MCC: variants seen among roughly 807,000 people sequenced by gnomAD.
MCC encodes the protein colorectal mutant cancer protein.
Under a neutral mutation model 116.2 loss-of-function variants are expected in MCC, and 90 were observed. The observed-to-expected ratio is 0.77, with a 90% CI of 0.65 to 0.92. The LOEUF is 0.92. Among genes scored for constraint, MCC ranks in the 40% least tolerant of loss-of-function variants. MCC has a pLI of 0.00. For synonymous variants in MCC, 578 were observed against 510.5 expected (o/e 1.13, Z -1.78); for missense variants, 1,516 against 1,312.2 (o/e 1.16, Z -2.40).
chr5:113,451,972 G>C (rs1437686117), intron 1 of MCC, among the ~76,000 whole-genome samples: 1 of 152,170 alleles, frequency 6.6e-6, no homozygotes, highest in Admixed American at 6.5e-5. Context: ...TGATCAAGAT[G>C]GCTTCACCCC....
At chr5:113,189,346 G>C (rs536116731) in intron 3 of MCC, among the ~76,000 whole-genome samples, 1 of 152,356 alleles carries the variant, frequency 6.6e-6, no homozygotes, top group South Asian at 2.1e-4. Context: ...AAGCACCTTT[G>C]AAGTGTTAGC....
intron 1 of MCC, among the ~76,000 whole-genome samples, chr5:113,405,186 A>C (rs1769795111): frequency 6.6e-6 from 1 of 152,232 alleles, no homozygotes; most frequent in Non-Finnish European, 1.5e-5. Context: ...GCCAAGAAGA[A>C]AACCAAATGC....
chr5:113,413,003 G>C (rs1770036023), intron 1 of MCC, among the ~76,000 whole-genome samples: 1 of 152,126 alleles, frequency 6.6e-6, no homozygotes, highest in Non-Finnish European at 1.5e-5. Flanking sequence ...TTTGTCAAAG[G>C]CCTTTTCTGC....
intron 7 of MCC, 94 bp from the exon 8 acceptor site, chr5:113,102,039 A>G (rs1255924474): frequency 5.6e-6 from 7 of 1,248,412 alleles, no homozygotes; most frequent in Admixed American, 1.8e-5. Flanking sequence ...ATGTCCATAG[A>G]GGAGTGTGTT....
At position 113,029,676 on chromosome 5, in the gene MCC, C is replaced by T. The variant is rs916583079; in HGVS notation, c.2757-620G>A. Among the ~76,000 whole-genome samples the T allele has an allele frequency of 3.3e-5, 5 of 152,214 alleles. No individual in the cohort carries two copies. In the East Asian group the frequency reaches 5.8e-4, roughly 18 times the overall value. ...TGTGGATCCTCTACTACTTTGGTAA[C>T]CCAAGCTAATTAGAGTCAGTTCAGG... On this transcript the variant is annotated intron_variant, in intron 17 of 18. Transcript: ENST00000408903.
chr5:113,482,389 G>T (rs1269439826), intron 1 of MCC, among the ~76,000 whole-genome samples: 1 of 152,020 alleles, frequency 6.6e-6, no homozygotes, highest in South Asian at 2.1e-4. Context: ...AATATAGAAG[G>T]GTTCTGATTT....
chr5:113,095,126 GT>G (rs1755928027), intron 8 of MCC, among the ~76,000 whole-genome samples: 1 of 152,174 alleles, frequency 6.6e-6, no homozygotes, highest in Non-Finnish European at 1.5e-5. Context: ...AGGAGAGTGG[GT>G]CTGTGAAACC....
intron 8 of MCC, among the ~76,000 whole-genome samples, chr5:113,091,104 T>C (rs1042787949): frequency 1.3e-5 from 2 of 152,204 alleles, no homozygotes; most frequent in African/African-American, 4.8e-5. Context: ...CTGAAAGTGC[T>C]GTCCACAGAA....
At chr5:113,340,446 C>T in intron 3 of MCC, 73 bp downstream of exon 3, 1 of 1,264,896 alleles carries the variant, frequency 7.9e-7, no homozygotes. Context: ...TCCCCTGGAG[C>T]ACAAAATTAA....
At chr5:113,202,988 G>C (rs1018698130) in intron 3 of MCC, among the ~76,000 whole-genome samples, 1 of 152,094 alleles carries the variant, frequency 6.6e-6, no homozygotes. Context: ...TACCAGTAAA[G>C]CGCATACAAT....
chr5:113,085,667 G>T (rs553372528), intron 8 of MCC, among the ~76,000 whole-genome samples: 2 of 152,116 alleles, frequency 1.3e-5, no homozygotes, highest in Non-Finnish European at 2.9e-5. Flanking sequence ...GGCCCTGGAA[G>T]CTTCCAGGAT....
At chr5:113,243,150 C>A (rs547346406) in intron 3 of MCC, among the ~76,000 whole-genome samples, 270 of 151,456 alleles carry the variant, frequency 1.8e-3, no homozygotes, top group Non-Finnish European at 3.4e-3. Context: ...ATGGCTGTTA[C>A]CAAGCATGTG....
intron 3 of MCC, among the ~76,000 whole-genome samples, chr5:113,291,013 A>G (rs1766473504): frequency 6.6e-6 from 1 of 152,236 alleles, no homozygotes; most frequent in African/African-American, 2.4e-5. Context: ...AAGCGTTCAG[A>G]CTTGACATAA....
At chr5:113,260,279 A>G (rs1765172342) in intron 3 of MCC, among the ~76,000 whole-genome samples, 1 of 152,186 alleles carries the variant, frequency 6.6e-6, no homozygotes, top group South Asian at 2.1e-4. Flanking sequence ...TTAAAACCAC[A>G]TATTAACCTA....
At chr5:113,170,982 G>A (rs1359113047) in intron 3 of MCC, among the ~76,000 whole-genome samples, 2 of 152,018 alleles carry the variant, frequency 1.3e-5, no homozygotes, top group African/African-American at 4.8e-5. Context: ...GAGTACATGC[G>A]TCCCTAAAGC....
At chr5:113,441,737 G>A (rs1237925365) in intron 1 of MCC, among the ~76,000 whole-genome samples, 2 of 152,176 alleles carry the variant, frequency 1.3e-5, no homozygotes, top group Non-Finnish European at 2.9e-5. Flanking sequence ...CCACTTATGA[G>A]TGAGAACATG....
chr5:113,370,388 T>G (rs994188890), intron 2 of MCC, among the ~76,000 whole-genome samples: 1 of 152,222 alleles, frequency 6.6e-6, no homozygotes, highest in Non-Finnish European at 1.5e-5. Context: ...AAGATTTTAT[T>G]AATGTCTAAA....
At position 113,314,664 on chromosome 5, in the gene MCC, T is replaced by C. The variant is rs185178989; in HGVS notation, c.627+25855A>G. ...GTGCAATGGCGTGATCTCGGCCTAC[T>C]GCAACCTCTGCCTCCTGGGTTCAAG... On this transcript the variant is annotated intron_variant, in intron 3 of 18. Transcript: ENST00000408903. 3.6e-4 allele frequency among the ~76,000 whole-genome samples: 55 copies of C among 152,322 alleles called. 1 individual carries two copies. The highest frequency in any genetic ancestry group is 9.8e-4 in the Admixed American group (15 of 15,300).
chr5:113,468,869 T>G (rs1363660922), intron 1 of MCC, among the ~76,000 whole-genome samples: 1 of 152,238 alleles, frequency 6.6e-6, no homozygotes, highest in Non-Finnish European at 1.5e-5. Flanking sequence ...ATCCTGTTAT[T>G]GGTCTATTCA....
Sources: gnomAD v4.1 joint callset for allele counts (sites outside exome capture counted in the v4.1 genomes callset) on GRCh38, gnomAD v4.1.1 for gene constraint, MANE v1.5 for transcripts, NCBI Gene and HGNC (gene_info 2026-07-23, HGNC 2026-07-21) for gene names.